Variants in RAPGEF5 observed in about 807,000 individuals in gnomAD.
RAPGEF5 encodes the protein M-Ras-regulated GEF.
In RAPGEF5, 65 loss-of-function variants were observed where a neutral mutation model predicts 125.2. The ratio of observed to expected loss-of-function variants is 0.52; its 90% CI spans 0.43 to 0.64. The LOEUF is 0.64. RAPGEF5 is among the 30% of genes least tolerant of loss of function. The pLI, the probability that RAPGEF5 is intolerant of heterozygous loss-of-function variation, is 0.00. For synonymous variants in RAPGEF5, 391 were observed against 385.9 expected (o/e 1.01, Z -0.16); for missense variants, 958 against 1,048.1 (o/e 0.91, Z 1.19).
intron 1 of RAPGEF5, among the ~76,000 whole-genome samples, chr7:22,355,523 C>A (rs1394896492): frequency 6.6e-6 from 1 of 152,182 alleles, no homozygotes; most frequent in Non-Finnish European, 1.5e-5. Context: ...CATTTCCTCA[C>A]TTACTTTGCA....
intron 7 of RAPGEF5, among the ~76,000 whole-genome samples, chr7:22,254,303 G>A: frequency 6.6e-6 from 1 of 151,344 alleles, no homozygotes; most frequent in Non-Finnish European, 1.5e-5. Flanking sequence ...TTAGACAAAG[G>A]GTAATCAAAA....
At chr7:22,196,588 A>C (rs1785151795) in intron 9 of RAPGEF5, among the ~76,000 whole-genome samples, 1 of 152,190 alleles carries the variant, frequency 6.6e-6, no homozygotes, top group Non-Finnish European at 1.5e-5. Flanking sequence ...GCTCCATGAC[A>C]ACATAAGTAT....
At chr7:22,185,852 TA>T (rs1380356960) in intron 11 of RAPGEF5, among the ~76,000 whole-genome samples, 4 of 151,944 alleles carry the variant, frequency 2.6e-5, no homozygotes, top group Admixed American at 2.0e-4. Flanking sequence ...GCAAACAAAT[TA>T]ATCTAATTTT....
chr7:22,350,688 T>C (rs1345570354), intron 1 of RAPGEF5, among the ~76,000 whole-genome samples: 1 of 151,840 alleles, frequency 6.6e-6, no homozygotes, highest in Non-Finnish European at 1.5e-5. Flanking sequence ...AGTGTGGGGG[T>C]TGGGAGGGAA....
chr7:22,344,215 C>T lies in RAPGEF5; in HGVS notation c.231+12615G>A, dbSNP rs547874831. 2.0e-5 allele frequency among the ~76,000 whole-genome samples: 3 copies of T among 152,262 alleles called. 1 individual carries two copies. Among genetic ancestry groups the T allele is most frequent in the East Asian group, 1.9e-4 (1 of 5,184 alleles). ...TACTTGCCAGTGCCCATTCTGTTCA[C>T]GAGTTTCTTCTCACCATGGCTACAC... On this transcript the variant is annotated intron_variant, in intron 1 of 25. Transcript: ENST00000665637.
chr7:22,251,262 C>A (rs1201859976), intron 7 of RAPGEF5, among the ~76,000 whole-genome samples: 1 of 152,082 alleles, frequency 6.6e-6, no homozygotes, highest in African/African-American at 2.4e-5. Flanking sequence ...AAAAATAAAT[C>A]ATAGACAATG....
intron 5 of RAPGEF5, among the ~76,000 whole-genome samples, chr7:22,293,849 G>T (rs1442464484): frequency 1.3e-5 from 2 of 152,110 alleles, no homozygotes; most frequent in Non-Finnish European, 2.9e-5. Flanking sequence ...CACCACTACG[G>T]TCACTTTTTA....
intron 7 of RAPGEF5, among the ~76,000 whole-genome samples, chr7:22,265,327 C>T (rs749325691): frequency 5.9e-5 from 9 of 152,158 alleles, no homozygotes; most frequent in Non-Finnish European, 1.3e-4. Flanking sequence ...CAACTTTTCT[C>T]GCTGCCACAT....
chr7:22,327,145 A>C (rs921763287), intron 1 of RAPGEF5, among the ~76,000 whole-genome samples: 15 of 152,244 alleles, frequency 9.9e-5, no homozygotes, highest in African/African-American at 3.4e-4. Context: ...CCAAATATAC[A>C]AAAGTACTAG....
At chr7:22,330,360 C>G (rs964967547) in intron 1 of RAPGEF5, among the ~76,000 whole-genome samples, 2 of 152,190 alleles carry the variant, frequency 1.3e-5, no homozygotes, top group South Asian at 4.1e-4. Context: ...GATGTAAGCA[C>G]AGAGGAGACC....
At chr7:22,352,828 A>G (rs1354520518) in intron 1 of RAPGEF5, among the ~76,000 whole-genome samples, 1 of 152,044 alleles carries the variant, frequency 6.6e-6, no homozygotes, top group East Asian at 1.9e-4. Flanking sequence ...CCGAATTCCA[A>G]TTAATAAATG....
At chr7:22,339,415 C>T (rs59776563) in intron 1 of RAPGEF5, among the ~76,000 whole-genome samples, 18,301 of 151,968 alleles carry the variant, frequency 0.12, 1,396 homozygotes, top group Admixed American at 0.15. Flanking sequence ...GAAGAGCGTC[C>T]GGATGCAAAA....
intron 1 of RAPGEF5, among the ~76,000 whole-genome samples, chr7:22,348,902 C>T (rs146800535): frequency 5.7e-4 from 87 of 152,128 alleles, no homozygotes; most frequent in Non-Finnish European, 8.4e-4. Flanking sequence ...GCCTGGCCAA[C>T]GTGGCAAAAC....
chr7:22,308,467 G>A lies in RAPGEF5; in HGVS notation c.552C>T (p.Tyr184=), dbSNP rs535602800. 6.4e-7 allele frequency: 1 copy of A among 1,569,212 alleles called. No individual in the cohort carries two copies. Among genetic ancestry groups the A allele is most frequent in the South Asian group, 1.2e-5 (1 of 85,012 alleles). ...AGCTACATTCATCAGAGGAAAACTGGTAGAAAACATAAGTATCTTGAAAGT... is the reference window on the plus strand; with the variant it reads ...AGCTACATTCATCAGAGGAAAACTGATAGAAAACATAAGTATCTTGAAAGT... The part of the protein sequence containing the change: ...HLYFQDTYVF[Y]QFSSDECSYL... Residue 184 remains tyrosine (Y), a synonymous_variant, in exon 5 of 26, where the codon TAC becomes TAT. Transcript: ENST00000665637.
intron 7 of RAPGEF5, among the ~76,000 whole-genome samples, chr7:22,245,524 T>C (rs973045126): frequency 1.7e-4 from 26 of 152,080 alleles, no homozygotes; most frequent in African/African-American, 6.3e-4. Flanking sequence ...TTCATTCTTC[T>C]GCTTGAGGAT....
chr7:22,193,600 G>A (rs1016712995), intron 10 of RAPGEF5, 145 bp from the exon 11 acceptor site: 3 of 1,550,866 alleles, frequency 1.9e-6, no homozygotes, highest in African/African-American at 2.7e-5. Flanking sequence ...GTCTGAGAGC[G>A]CCGCGGCGGA....
At chr7:22,319,060 C>A (rs1026016687) in intron 1 of RAPGEF5, among the ~76,000 whole-genome samples, 7 of 152,074 alleles carry the variant, frequency 4.6e-5, no homozygotes, top group African/African-American at 1.7e-4. Context: ...ATTGTAGGAG[C>A]TAATTTTTCC....
At chr7:22,193,894 T>C in intron 10 of RAPGEF5, 21 bp downstream of exon 10, 8 of 1,612,962 alleles carry the variant, frequency 5.0e-6, no homozygotes, top group Non-Finnish European at 6.8e-6. Flanking sequence ...CGTGCCTCTG[T>C]GGCTGCAGGG....
intron 5 of RAPGEF5, chr7:22,298,800 A>G (rs1185442438): frequency 1.3e-5 from 2 of 152,224 alleles, no homozygotes; most frequent in East Asian, 3.8e-4. Flanking sequence ...AGTATACATA[A>G]TTCTATTCAG....
Sources: gnomAD v4.1 joint callset for allele counts (sites outside exome capture counted in the v4.1 genomes callset) on GRCh38, gnomAD v4.1.1 for gene constraint, MANE v1.5 for transcripts, NCBI Gene and HGNC (gene_info 2026-07-23, HGNC 2026-07-21) for gene names.